Variants in AFG1L observed in about 807,000 individuals in gnomAD.
AFG1L encodes AFG1 like ATPase.
Under a neutral mutation model 62.2 loss-of-function variants are expected in AFG1L, and 53 were observed. The ratio of observed to expected loss-of-function variants is 0.85; its 90% confidence interval spans 0.68 to 1.07. The LOEUF (loss-of-function observed/expected upper bound fraction) is 1.07, where lower values mean the gene tolerates loss of function less well. Among genes scored for constraint, AFG1L ranks in the 50% least tolerant of loss-of-function variants. AFG1L has a pLI of 0.00. For missense variants in AFG1L, 555 were observed against 590.5 expected (o/e 0.94, Z 0.62); for synonymous variants, 228 against 210.3 (o/e 1.08, Z -0.73).
At chr6:108,370,808 CCTCT>C (rs531767063) in intron 6 of AFG1L, among the ~76,000 whole-genome samples, 161 of 152,060 alleles carry the variant, frequency 1.1e-3, no homozygotes, top group Non-Finnish European at 2.0e-3. Context: ...TTCTTTTTTT[CCTCT>C]CTCTATTAAT....
rs1171649678 is a variant in AFG1L at position 108,525,225 on chromosome 6, A to G, written c.*2800A>G. The G allele has an allele frequency of 1.3e-5, 2 of 152,204 alleles. No individual in the cohort carries two copies. The highest frequency in any genetic ancestry group is 2.4e-5 in the African/African-American group (1 of 41,454). The allele number at this position is 152,204 out of a possible 1,614,324, so 9.4% of individuals were successfully genotyped here. A position where few individuals can be genotyped will look rare whatever the true frequency, so the allele number is the denominator to read the frequency against. On this transcript the variant is annotated 3_prime_UTR_variant, in exon 13 of 13. Coordinates refer to ENST00000368977, the MANE Select transcript of AFG1L (RefSeq NM_145315.5). ...CAGAGGTCAAGCGGAGAAAAAGGAA[A>G]ACTTTCTTTAGAGAAGAAAAAGAAA... is the stretch of plus-strand genomic sequence containing the variant.
At chr6:108,488,558 A>T (rs144356771) in intron 10 of AFG1L, among the ~76,000 whole-genome samples, 2 of 152,098 alleles carry the variant, frequency 1.3e-5, no homozygotes, top group East Asian at 3.9e-4. Flanking sequence ...TCTGGGGAAA[A>T]CACAAGAGTT....
chr6:108,298,703 A>T (rs978754914), intron 1 of AFG1L, among the ~76,000 whole-genome samples: 2 of 152,206 alleles, frequency 1.3e-5, no homozygotes, highest in African/African-American at 4.8e-5. Flanking sequence ...ACAGTATGTT[A>T]AGATGTCTAA....
chr6:108,505,248 C>T (rs761857429), intron 10 of AFG1L, among the ~76,000 whole-genome samples: 5 of 152,216 alleles, frequency 3.3e-5, no homozygotes, highest in Admixed American at 6.5e-5. Context: ...CGCCTGCCGC[C>T]GCACCCGGCT....
chr6:108,376,394 A>T (rs1780248178), intron 6 of AFG1L, among the ~76,000 whole-genome samples: 1 of 151,412 alleles, frequency 6.6e-6, no homozygotes, highest in African/African-American at 2.4e-5. Context: ...TCTAGGTGTG[A>T]TGTTGGATTG....
At chr6:108,322,342 T>C (rs1777845557) in intron 1 of AFG1L, among the ~76,000 whole-genome samples, 1 of 152,204 alleles carries the variant, frequency 6.6e-6, no homozygotes, top group African/African-American at 2.4e-5. Flanking sequence ...TGCATCTCAT[T>C]GCCTCTTCCA....
chr6:108,402,708 T>A (rs1781686977), intron 7 of AFG1L, among the ~76,000 whole-genome samples: 1 of 152,130 alleles, frequency 6.6e-6, no homozygotes, highest in African/African-American at 2.4e-5. Flanking sequence ...AGTGGAATAT[T>A]TAAACTTATA....
chr6:108,366,449 A>G (rs1779762910), intron 6 of AFG1L, 117 bp downstream of exon 6: 1 of 551,890 alleles, frequency 1.8e-6, no homozygotes, highest in African/African-American at 1.9e-5. Context: ...TTTGCTTATT[A>G]TTAGTTTTAT....
At chr6:108,396,901 G>T (rs186265580) in intron 6 of AFG1L, among the ~76,000 whole-genome samples, 50 of 152,194 alleles carry the variant, frequency 3.3e-4, no homozygotes, top group Middle Eastern at 3.4e-3. Flanking sequence ...TCTCAAGCAC[G>T]TATCCTTTGT....
At chr6:108,519,626 G>A (rs1775043745) in intron 11 of AFG1L, 71 bp from the exon 12 acceptor site, 2 of 802,316 alleles carry the variant, frequency 2.5e-6, no homozygotes, top group African/African-American at 3.4e-5. Flanking sequence ...CTTTTATTTT[G>A]TGAGATTTTT....
intron 6 of AFG1L, among the ~76,000 whole-genome samples, chr6:108,370,989 A>C (rs1234005094): frequency 1.3e-5 from 2 of 152,104 alleles, no homozygotes; most frequent in African/African-American, 4.8e-5. Context: ...TGTGGAAGAC[A>C]AGGGGAAGTC....
At chr6:108,443,262 CCT>C (rs34631769) in intron 7 of AFG1L, among the ~76,000 whole-genome samples, 55,386 of 151,798 alleles carry the variant, frequency 0.36, 10,596 homozygotes, top group Non-Finnish European at 0.44. Context: ...TCCAGGGCCT[CCT>C]CTCTCTGTAT....
intron 1 of AFG1L, among the ~76,000 whole-genome samples, chr6:108,300,603 T>C (rs1432941828): frequency 6.6e-6 from 1 of 152,220 alleles, no homozygotes; most frequent in Non-Finnish European, 1.5e-5. Context: ...ATATTACTAG[T>C]TAAGAAAATA....
chr6:108,459,063 G>A (rs1481476693), intron 8 of AFG1L, among the ~76,000 whole-genome samples: 1 of 152,068 alleles, frequency 6.6e-6, no homozygotes, highest in African/African-American at 2.4e-5. Flanking sequence ...TGACTAGAGG[G>A]AACATGAACT....
At chr6:108,302,571 G>A (rs1459216667) in intron 1 of AFG1L, among the ~76,000 whole-genome samples, 1 of 151,826 alleles carries the variant, frequency 6.6e-6, no homozygotes, top group Non-Finnish European at 1.5e-5. Flanking sequence ...GGGGCTCCTG[G>A]GCCTGTACTT....
At chr6:108,465,680 GCT>G (rs1772638084) in intron 8 of AFG1L, among the ~76,000 whole-genome samples, 1 of 140,946 alleles carries the variant, frequency 7.1e-6, no homozygotes, top group African/African-American at 2.7e-5. Flanking sequence ...TGCTGCTGCT[GCT>G]AAAGTTTTTA....
intron 8 of AFG1L, among the ~76,000 whole-genome samples, chr6:108,474,076 C>G (rs1448917849): frequency 3.9e-5 from 6 of 152,136 alleles, no homozygotes; most frequent in Admixed American, 6.5e-5. Flanking sequence ...TTGTTCCCCT[C>G]CATGTGTCCA....
chr6:108,468,675 C>T (rs1298145472), intron 8 of AFG1L, among the ~76,000 whole-genome samples: 1 of 151,654 alleles, frequency 6.6e-6, no homozygotes, highest in Non-Finnish European at 1.5e-5. Flanking sequence ...CTCATATTCT[C>T]CGGAACTCCT....
chr6:108,326,630 G>T (rs1033838526), intron 2 of AFG1L, among the ~76,000 whole-genome samples: 82 of 152,196 alleles, frequency 5.4e-4, no homozygotes, highest in African/African-American at 1.9e-3. Flanking sequence ...TAGAAGAAAG[G>T]CACCATAGAA....
Sources: allele counts gnomAD v4.1 joint callset (sites outside exome capture counted in the v4.1 genomes callset), GRCh38; gene constraint gnomAD v4.1.1; transcripts MANE v1.5; gene names NCBI Gene and HGNC (gene_info 2026-07-23, HGNC 2026-07-21).